TNS3: variants seen among roughly 807,000 people sequenced by gnomAD.
TNS3 encodes tensin-3.
A neutral mutation model predicts 140.9 loss-of-function variants in TNS3; 45 were observed. The observed-to-expected ratio is 0.32, with a 90% CI of 0.25 to 0.41. The LOEUF is 0.41. TNS3 is among the 10% of genes least tolerant of loss of function. TNS3 has a pLI of 1.00. For synonymous variants in TNS3, 815 were observed against 788.4 expected (o/e 1.03, Z -0.56); for missense variants, 1,716 against 1,906.7 (o/e 0.90, Z 1.86).
chr7:47,309,419 G>A (rs902818738), intron 20 of TNS3, among the ~76,000 whole-genome samples: 22 of 152,032 alleles, frequency 1.4e-4, no homozygotes, highest in African/African-American at 5.1e-4. Context: ...TATGCTATGA[G>A]AGTATGTTTA....
At chr7:47,287,656 T>G in intron 27 of TNS3, among the ~76,000 whole-genome samples, 1 of 152,238 alleles carries the variant, frequency 6.6e-6, no homozygotes, top group East Asian at 1.9e-4. Flanking sequence ...GTGGTCACTG[T>G]GACAGCCTCA....
intron 1 of TNS3, among the ~76,000 whole-genome samples, chr7:47,532,184 T>C (rs957546590): frequency 6.6e-6 from 1 of 152,024 alleles, no homozygotes; most frequent in African/African-American, 2.4e-5. Context: ...TACCAGGGCC[T>C]TGAATGGCAG....
intron 16 of TNS3, among the ~76,000 whole-genome samples, chr7:47,374,806 C>T (rs573037309): frequency 3.0e-4 from 45 of 152,254 alleles, no homozygotes; most frequent in Non-Finnish European, 5.4e-4. Flanking sequence ...ACATAGCCAA[C>T]TAAACTCCCA....
rs1171361674 is a variant in TNS3 at position 47,529,138 on chromosome 7, A to G, written c.-255T>C. Reference sequence around the variant, plus strand: ...TTAAAAGCGTGCAGACTCGAGGTTAATTCTTCCGGCTGAAAAAGTAAAGGA... The same window carrying G: ...TTAAAAGCGTGCAGACTCGAGGTTAGTTCTTCCGGCTGAAAAAGTAAAGGA... On this transcript the variant is annotated 5_prime_UTR_variant, in exon 2 of 31. Transcript: ENST00000311160. 7.8e-7 allele frequency: 1 copy of G among 1,276,874 alleles called. No homozygotes were observed. Among genetic ancestry groups the G allele is most frequent in the East Asian group, 5.6e-5 (1 of 17,980 alleles). 79.1% of individuals were successfully genotyped at this position (1,276,874 alleles called of 1,614,324 possible).
intron 4 of TNS3, among the ~76,000 whole-genome samples, chr7:47,446,688 C>CTTTTTTTTTTTTTTTTTTTTTTTTTTT (rs144042398): frequency 1.0e-5 from 1 of 96,730 alleles, no homozygotes; most frequent in Non-Finnish European, 2.0e-5. Context: ...TCCAGGCTGC[C>CTTTTTTTTTTTTTTTTTTTTTTTTTTT]TTTTTTTTTT....
chr7:47,451,065 T>C (rs754765221), intron 4 of TNS3, among the ~76,000 whole-genome samples: 1 of 151,980 alleles, frequency 6.6e-6, no homozygotes, highest in Non-Finnish European at 1.5e-5. Flanking sequence ...ACCCAGGAGG[T>C]GGAGGTTGCA....
chr7:47,422,640 A>AG (rs367630469), intron 10 of TNS3, among the ~76,000 whole-genome samples: 1 of 151,842 alleles, frequency 6.6e-6, no homozygotes, highest in Non-Finnish European at 1.5e-5. Context: ...AAGAAAAAAA[A>AG]AATGAAGAGA....
At chr7:47,306,368 T>C (rs1786753409) in intron 20 of TNS3, among the ~76,000 whole-genome samples, 1 of 152,202 alleles carries the variant, frequency 6.6e-6, no homozygotes, top group Non-Finnish European at 1.5e-5. Flanking sequence ...CTACAGAATT[T>C]GCACTATCAA....
chr7:47,345,037 G>A lies in TNS3; in HGVS notation c.2453C>T (p.Thr818Met), dbSNP rs376882715. 3.1e-6 allele frequency: 5 copies of A among 1,612,804 alleles called. No homozygotes were observed. Among genetic ancestry groups the A allele is most frequent in the African/African-American group, 1.3e-5 (1 of 75,012 alleles). ...GTCCTGGGGATAGCCAGGGGTCATC[G>A]TCTGAAATTGGCACAGGGAGTAGAA... ...PFPSPADVKE[T>M]MTPGYPQDLD... The change falls in exon 19 of 31, where the codon ACG becomes ATG. Residue 818 changes from threonine (T) to methionine (M), a missense_variant and splice_region_variant. This residue lies in a region of TNS3 where 1,163 missense variants were observed against 1,182.1 expected (regional missense o/e 0.98). Transcript: ENST00000311160.
chr7:47,359,306 T>G (rs1307343148), intron 17 of TNS3, among the ~76,000 whole-genome samples: 1 of 152,162 alleles, frequency 6.6e-6, no homozygotes, highest in Non-Finnish European at 1.5e-5. Context: ...AGCACATACT[T>G]TGTGATGCCA....
At chr7:47,483,937 T>C (rs1232535735) in intron 3 of TNS3, among the ~76,000 whole-genome samples, 1 of 152,256 alleles carries the variant, frequency 6.6e-6, no homozygotes, top group Non-Finnish European at 1.5e-5. Flanking sequence ...GACTGGTCCC[T>C]AACCCCACAG....
At chr7:47,475,538 G>GTT (rs1797160946) in intron 4 of TNS3, among the ~76,000 whole-genome samples, 1 of 152,234 alleles carries the variant, frequency 6.6e-6, no homozygotes, top group South Asian at 2.1e-4. Context: ...TTCCCCGGGG[G>GTT]GGGGGCCAGG....
At chr7:47,467,447 C>CTT (rs1796767089) in intron 4 of TNS3, among the ~76,000 whole-genome samples, 1 of 152,146 alleles carries the variant, frequency 6.6e-6, no homozygotes. Flanking sequence ...TTTCCTGATA[C>CTT]TCTCGGGAAA....
chr7:47,406,900 G>A (rs192437919), intron 13 of TNS3, among the ~76,000 whole-genome samples: 1,734 of 152,232 alleles, frequency 0.011, 21 homozygotes, highest in Non-Finnish European at 0.015. Context: ...AAGTGAAGGC[G>A]GCGTGGGCAT....
At chr7:47,339,440 T>C (rs1788819851) in intron 20 of TNS3, among the ~76,000 whole-genome samples, 1 of 152,216 alleles carries the variant, frequency 6.6e-6, no homozygotes, top group Non-Finnish European at 1.5e-5. Flanking sequence ...CATCATTTGT[T>C]GAAAGGCTGA....
chr7:47,454,852 A>G (rs1432736319), intron 4 of TNS3, among the ~76,000 whole-genome samples: 2 of 152,176 alleles, frequency 1.3e-5, no homozygotes, highest in Admixed American at 6.5e-5. Context: ...GAAGGTGACA[A>G]CATTGTTAAT....
intron 20 of TNS3, among the ~76,000 whole-genome samples, chr7:47,316,094 TTC>T (rs56939479): frequency 0.034 from 3,541 of 105,464 alleles, 47 homozygotes; most frequent in East Asian, 0.043. Context: ...AACTAACTAT[TTC>T]TCTCTCTCTC....
intron 20 of TNS3, among the ~76,000 whole-genome samples, chr7:47,334,095 G>A (rs943523420): frequency 2.0e-5 from 3 of 152,048 alleles, no homozygotes; most frequent in African/African-American, 4.8e-5. Flanking sequence ...CAGGAAGTCC[G>A]CACAGCACCA....
At chr7:47,544,855 G>T (rs1393532084) in intron 1 of TNS3, among the ~76,000 whole-genome samples, 1 of 151,898 alleles carries the variant, frequency 6.6e-6, no homozygotes. Flanking sequence ...GTTAATAGGT[G>T]CCCTGTGCTG....
Sources: gnomAD v4.1 joint callset for allele counts (sites outside exome capture counted in the v4.1 genomes callset) on GRCh38, gnomAD v4.1.1 for gene constraint, gnomAD v4.1.1 regional missense constraint, MANE v1.5 for transcripts, NCBI Gene and HGNC (gene_info 2026-07-23, HGNC 2026-07-21) for gene names.